Variants in NR3C2 observed in about 807,000 individuals in gnomAD.
NR3C2 encodes the protein nuclear receptor subfamily 3 group C member 2.
NR3C2 carries 15 observed loss-of-function variants against 86.4 expected under a neutral mutation model. That is an observed-to-expected ratio of 0.17 (90% CI 0.12 to 0.27). NR3C2 has a LOEUF of 0.27. Ranked by LOEUF, NR3C2 falls within the 10% of genes least tolerant of loss-of-function variation. NR3C2 has a pLI of 1.00. For missense variants in NR3C2, 960 were observed against 1,195.6 expected (o/e 0.80, Z 2.91); for synonymous variants, 458 against 450.5 (o/e 1.02, Z -0.21).
intron 3 of NR3C2, among the ~76,000 whole-genome samples, chr4:148,214,861 C>T (rs1373789197): frequency 6.6e-6 from 1 of 151,670 alleles, no homozygotes; most frequent in African/African-American, 2.4e-5. Flanking sequence ...TAATTAAAAA[C>T]GTTAAAAAAA....
At chr4:148,412,630 T>A (rs914478216) in intron 2 of NR3C2, among the ~76,000 whole-genome samples, 12 of 152,238 alleles carry the variant, frequency 7.9e-5, no homozygotes, top group African/African-American at 2.9e-4. Flanking sequence ...AAGAGTCTTA[T>A]AATGGCAACT....
At chr4:148,108,251 G>A (rs919195751) in intron 8 of NR3C2, among the ~76,000 whole-genome samples, 8 of 151,890 alleles carry the variant, frequency 5.3e-5, no homozygotes, top group African/African-American at 1.7e-4. Context: ...CTACAGGCAC[G>A]CATCACCACA....
intron 2 of NR3C2, among the ~76,000 whole-genome samples, chr4:148,286,642 G>A (rs1302123446): frequency 1.3e-5 from 2 of 152,140 alleles, no homozygotes; most frequent in Non-Finnish European, 2.9e-5. Context: ...CCAGGATAAA[G>A]AAATCATACA....
chr4:148,379,389 T>C (rs536909037), intron 2 of NR3C2, among the ~76,000 whole-genome samples: 30 of 152,034 alleles, frequency 2.0e-4, no homozygotes, highest in Non-Finnish European at 2.4e-4. Flanking sequence ...GATGTGCAAA[T>C]GGTCAGAGCA....
Position 148,335,153 on chromosome 4 carries a change from G to A in NR3C2, c.1758-75036C>T, listed in dbSNP as rs184384702. ...TGTTAGGATTTCAATCTATGAATTG[G>A]GGCAGGAGTCAGGGTGGGAGAAGAT... On this transcript the variant is annotated intron_variant, in intron 2 of 8. Transcript: ENST00000358102. Among the ~76,000 whole-genome samples, 151 of 152,206 alleles carry A rather than the reference G, an allele frequency of 9.9e-4. 1 individual carries two copies. The highest frequency in any genetic ancestry group is 3.3e-3 in the African/African-American group (138 of 41,528).
intron 4 of NR3C2, among the ~76,000 whole-genome samples, chr4:148,156,162 G>A (rs1219797567): frequency 1.3e-5 from 2 of 152,102 alleles, no homozygotes; most frequent in Non-Finnish European, 2.9e-5. Context: ...AAAAACCCTA[G>A]AAGAAAACCT....
intron 2 of NR3C2, among the ~76,000 whole-genome samples, chr4:148,363,503 T>C (rs1745946735): frequency 1.5e-5 from 1 of 68,910 alleles, no homozygotes; most frequent in Non-Finnish European, 2.9e-5. Context: ...TTCTCATAGA[T>C]CTCTTTTTTT....
intron 6 of NR3C2, among the ~76,000 whole-genome samples, chr4:148,139,079 C>A (rs544154804): frequency 2.6e-4 from 39 of 152,226 alleles, no homozygotes; most frequent in African/African-American, 9.1e-4. Context: ...TTTAAATTAC[C>A]CAGAATCAGG....
At chr4:148,378,152 TG>T (rs1443858283) in intron 2 of NR3C2, among the ~76,000 whole-genome samples, 1 of 152,192 alleles carries the variant, frequency 6.6e-6, no homozygotes, top group Non-Finnish European at 1.5e-5. Flanking sequence ...CCCTACAATC[TG>T]GTTGCTGGGG....
chr4:148,416,779 T>C (rs925705439), intron 2 of NR3C2, among the ~76,000 whole-genome samples: 1 of 152,228 alleles, frequency 6.6e-6, no homozygotes, highest in African/African-American at 2.4e-5. Flanking sequence ...TTTGCTTTTT[T>C]TTTCTTTTTT....
At chr4:148,315,266 G>A (rs1743112186) in intron 2 of NR3C2, among the ~76,000 whole-genome samples, 1 of 152,142 alleles carries the variant, frequency 6.6e-6, no homozygotes, top group Admixed American at 6.5e-5. Flanking sequence ...GCAAACCACA[G>A]CCACTCTTGG....
chr4:148,435,940 C>A lies in NR3C2; in HGVS notation c.921G>T (p.Arg307Ser). Reference protein sequence around the residue: ...VSSPANINNSRCSVSSPSNTN... With the variant: ...VSSPANINNSSCSVSSPSNTN... ...TGTTCGAAGGGCTGGAAACAGAGCA[C>A]CTTGAGTTGTTAATATTTGCAGGGC... Residue 307 changes from arginine (R) to serine (S), a missense_variant, in exon 2 of 9, where the codon AGG (arginine) becomes AGT (serine). Physicochemically the swap from Arg to Ser is moderately radical, Grantham distance 110. Coordinates refer to ENST00000358102, the MANE Select transcript of NR3C2 (RefSeq NM_000901.5). The A allele has an allele frequency of 6.2e-7, 1 of 1,614,116 alleles. No individual in the cohort carries two copies. Among genetic ancestry groups the A allele is most frequent in the South Asian group, 1.1e-5 (1 of 91,084 alleles).
At chr4:148,349,557 T>A (rs1745166361) in intron 2 of NR3C2, among the ~76,000 whole-genome samples, 1 of 152,118 alleles carries the variant, frequency 6.6e-6, no homozygotes, top group Admixed American at 6.6e-5. Context: ...GACAAATACC[T>A]ACAAAGACAC....
intron 8 of NR3C2, among the ~76,000 whole-genome samples, chr4:148,082,370 T>A (rs1730604048): frequency 6.6e-6 from 1 of 152,148 alleles, no homozygotes; most frequent in African/African-American, 2.4e-5. Context: ...GTACCCGGCT[T>A]ATCTCATTTG....
At chr4:148,322,939 G>A (rs963859817) in intron 2 of NR3C2, among the ~76,000 whole-genome samples, 26 of 146,288 alleles carry the variant, frequency 1.8e-4, no homozygotes, top group African/African-American at 3.7e-4. Flanking sequence ...CGTTCCTTTG[G>A]AGGAGGAGAG....
At chr4:148,118,078 G>A (rs1732351201) in intron 7 of NR3C2, among the ~76,000 whole-genome samples, 1 of 152,120 alleles carries the variant, frequency 6.6e-6, no homozygotes, top group Non-Finnish European at 1.5e-5. Flanking sequence ...TCATCTGATG[G>A]GAGCTTCCTC....
intron 8 of NR3C2, among the ~76,000 whole-genome samples, chr4:148,084,490 C>G (rs1730720341): frequency 6.6e-6 from 1 of 152,192 alleles, no homozygotes; most frequent in South Asian, 2.1e-4. Flanking sequence ...ACCACCAGGC[C>G]TGCGTTACAA....
At chr4:148,207,439 G>A (rs1737060601) in intron 3 of NR3C2, among the ~76,000 whole-genome samples, 1 of 152,154 alleles carries the variant, frequency 6.6e-6, no homozygotes, top group Admixed American at 6.5e-5. Context: ...TTAAACATAT[G>A]TTTTAACCTT....
At chr4:148,148,673 T>G (rs1024892856) in intron 6 of NR3C2, among the ~76,000 whole-genome samples, 10 of 152,206 alleles carry the variant, frequency 6.6e-5, no homozygotes, top group Admixed American at 5.9e-4. Context: ...TTCCTTCACC[T>G]GGGGAACACC....
Sources: allele counts gnomAD v4.1 joint callset (sites outside exome capture counted in the v4.1 genomes callset), GRCh38; gene constraint gnomAD v4.1.1; transcripts MANE v1.5; gene names NCBI Gene and HGNC (gene_info 2026-07-23, HGNC 2026-07-21).